Variants in CSPP1 observed in about 807,000 individuals in gnomAD.
CSPP1 encodes centrosome and spindle pole-associated protein 1.
A neutral mutation model predicts 164.4 loss-of-function variants in CSPP1; 126 were observed. The observed-to-expected ratio is 0.77, with a 90% CI of 0.66 to 0.89. CSPP1 has a LOEUF of 0.89. CSPP1 is among the 40% of genes least tolerant of loss of function. The pLI, the probability that CSPP1 is intolerant of heterozygous loss-of-function variation, is 0.00. For synonymous variants in CSPP1, 472 were observed against 476.7 expected (o/e 0.99, Z 0.13); for missense variants, 1,395 against 1,449.8 (o/e 0.96, Z 0.61).
At position 67,105,911 on chromosome 8, in the gene CSPP1, A is replaced by T. The variant is rs542305146; in HGVS notation, c.1029A>T (p.Pro343=). 17 of 1,560,690 alleles carry T rather than the reference A, an allele frequency of 1.1e-5. No individual in the cohort carries two copies. The highest frequency in any genetic ancestry group is 1.7e-5 in the Admixed American group (1 of 59,876). The change falls in exon 9 of 31, where the codon CCA becomes CCT. Residue 343 remains proline, a synonymous_variant. Coordinates refer to ENST00000678616, the MANE Select transcript of CSPP1 (RefSeq NM_001382391.1). ...RISSAENKSA[P]DNETSKSANQ... The stretch of plus-strand genomic sequence containing the variant: ...TCTGTCTTTTTTTCTTTAGTGCTCC[A>T]GACAATGAAACATCCAAATCTGCTA...
At chr8:67,117,017 A>G (rs943965112) in intron 13 of CSPP1, among the ~76,000 whole-genome samples, 1 of 152,184 alleles carries the variant, frequency 6.6e-6, no homozygotes, top group Admixed American at 6.5e-5. Flanking sequence ...TGGTCTCAGC[A>G]TTGAATTAGG....
intron 26 of CSPP1, 41 bp downstream of exon 26, chr8:67,175,477 C>A: frequency 6.2e-7 from 1 of 1,610,460 alleles, no homozygotes; most frequent in Non-Finnish European, 8.5e-7. Context: ...TATCAGCACG[C>A]TGTTTTTCCG....
At chr8:67,159,361 T>C (rs546114555) in intron 21 of CSPP1, among the ~76,000 whole-genome samples, 3 of 152,194 alleles carry the variant, frequency 2.0e-5, no homozygotes, top group South Asian at 4.2e-4. Flanking sequence ...TTTACTTACT[T>C]GAGCCATTCT....
At chr8:67,108,130 C>T (rs1354506086) in intron 9 of CSPP1, among the ~76,000 whole-genome samples, 1 of 151,794 alleles carries the variant, frequency 6.6e-6, no homozygotes, top group South Asian at 2.1e-4. Context: ...GTGGCTCACA[C>T]CTGTAATCCC....
intron 26 of CSPP1, among the ~76,000 whole-genome samples, chr8:67,177,171 CTTGT>C (rs1181284678): frequency 6.6e-6 from 1 of 151,584 alleles, no homozygotes; most frequent in Non-Finnish European, 1.5e-5. Flanking sequence ...TCATTCGCAG[CTTGT>C]TTATTTTCAA....
intron 1 of CSPP1, chr8:67,065,564 T>A: frequency 2.1e-6 from 2 of 957,612 alleles, no homozygotes; most frequent in Non-Finnish European, 2.5e-6. Flanking sequence ...ATATCATTCT[T>A]CTCCCTAGGA....
intron 1 of CSPP1, chr8:67,068,954 C>CT (rs1806148982): frequency 6.6e-6 from 1 of 152,176 alleles, no homozygotes; most frequent in Non-Finnish European, 1.5e-5. Context: ...TAGCCTCCCC[C>CT]TATATTTTAG....
At chr8:67,190,209 GACGTATC>G (rs1339067884) in intron 28 of CSPP1, among the ~76,000 whole-genome samples, 1 of 152,190 alleles carries the variant, frequency 6.6e-6, no homozygotes, top group Non-Finnish European at 1.5e-5. Context: ...GACAAAATAT[GACGTATC>G]CATATGATGG....
rs988178967 is a variant in CSPP1, at chr8:67,160,692, G to GAT, written c.2539-1106_2539-1105dup. 1.4e-3 allele frequency among the ~76,000 whole-genome samples: 208 copies of GAT among 150,610 alleles called. 2 individuals are homozygous for GAT. Among genetic ancestry groups the GAT allele is most frequent in the African/African-American group, 4.7e-3 (194 of 41,114 alleles). On this transcript the variant is annotated intron_variant, in intron 21 of 30. Transcript: ENST00000678616. ...CATTTTCTTTCATTTATGTATGTCT[G>GAT]ATATATATATATATTTTTGTCTATT...
intron 15 of CSPP1, among the ~76,000 whole-genome samples, chr8:67,126,443 C>T (rs555305420): frequency 6.6e-6 from 1 of 152,252 alleles, no homozygotes; most frequent in Admixed American, 6.5e-5. Context: ...TCATATGTGG[C>T]CACTGAAGTC....
chr8:67,154,056 C>G lies in CSPP1; in HGVS notation c.2161C>G (p.Arg721Gly), dbSNP rs778822396. The change falls in exon 19 of 31, where the codon CGG becomes GGG. Residue 721 changes from arginine to glycine, a missense_variant. Physicochemically the swap from Arg to Gly is moderately radical, Grantham distance 125 (BLOSUM62 -2). Transcript: ENST00000678616. ...GCAAACACAGAGCTCTCCTTTTGCT[C>G]GGGGAAATGTATTTGGTGAGCCTCC... ...HMQTQSSPFA[R>G]GNVFGEPPTE... 3 of 1,604,208 alleles carry G rather than the reference C, an allele frequency of 1.9e-6. No individual in the cohort carries two copies. Among genetic ancestry groups the G allele is most frequent in the Non-Finnish European group, 2.6e-6 (3 of 1,172,380 alleles).
chr8:67,159,171 T>C (rs1395524393), intron 21 of CSPP1, 34 bp downstream of exon 21: 3 of 1,569,712 alleles, frequency 1.9e-6, no homozygotes, highest in Non-Finnish European at 2.6e-6. Flanking sequence ...ATCAAACCCA[T>C]AGTTTAACTC....
intron 24 of CSPP1, among the ~76,000 whole-genome samples, chr8:67,170,517 CA>C (rs1340323541): frequency 6.6e-6 from 1 of 152,064 alleles, no homozygotes; most frequent in Admixed American, 6.6e-5. Flanking sequence ...TAGACATCTG[CA>C]TTTTACAGAT....
intron 15 of CSPP1, among the ~76,000 whole-genome samples, chr8:67,121,002 C>T (rs1310311616): frequency 6.6e-6 from 1 of 151,886 alleles, no homozygotes; most frequent in Non-Finnish European, 1.5e-5. Context: ...TAAAGGCGTG[C>T]ACCACTATGC....
intron 15 of CSPP1, among the ~76,000 whole-genome samples, chr8:67,130,723 C>T (rs895342740): frequency 2.0e-5 from 3 of 152,126 alleles, no homozygotes; most frequent in Non-Finnish European, 4.4e-5. Flanking sequence ...CGCAGTGGCT[C>T]ATGCTTATAA....
At position 67,137,576 on chromosome 8, in the gene CSPP1, C is replaced by A; in HGVS notation, c.1948C>A (p.Leu650Ile). The A allele has an allele frequency of 1.3e-6, 2 of 1,568,478 alleles. No homozygotes were observed. The highest frequency in any genetic ancestry group is 1.4e-5 in the African/African-American group (1 of 72,642). Residue 650 changes from leucine (L) to isoleucine (I), a missense_variant, in exon 17 of 31, where the codon CTC (leucine) becomes ATC (isoleucine). Leu to Ile is a conservative substitution (Grantham distance 5). Coordinates refer to ENST00000678616, the MANE Select transcript of CSPP1 (RefSeq NM_001382391.1). The part of the protein sequence containing the change: ...PWGKGGGGAP[L>I]RDAKGNLITD... ...GGGAAAAGGTGGAGGTGGTGCTCCT[C>A]TCAGGGATGCAAAAGGAAATCTGAT... is the stretch of plus-strand genomic sequence containing the variant.
Position 67,118,834 on chromosome 8 carries a change from T to G in CSPP1, c.1697+13T>G, listed in dbSNP as rs372521926. ...CACAACCTGTTGTGTAAGTTATTAG[T>G]TAAAAGAATAATTTTTTCCCCACTT... On this transcript the variant is annotated intron_variant, in intron 15 of 30. Transcript: ENST00000678616. 1 of 1,577,538 alleles carries G rather than the reference T, an allele frequency of 6.3e-7. No individual in the cohort carries two copies. Among genetic ancestry groups the G allele is most frequent in the Non-Finnish European group, 8.7e-7 (1 of 1,147,506 alleles).
chr8:67,121,756 A>G (rs1032547546), intron 15 of CSPP1, among the ~76,000 whole-genome samples: 3 of 152,184 alleles, frequency 2.0e-5, no homozygotes, highest in African/African-American at 7.2e-5. Context: ...AATGTTTGAT[A>G]GAATTCACCA....
intron 21 of CSPP1, 73 bp from the exon 22 acceptor site, chr8:67,161,738 G>A: frequency 1.4e-6 from 1 of 721,546 alleles, no homozygotes; most frequent in South Asian, 1.8e-5. Context: ...AACTATAAGG[G>A]GTGTGTGTGT....
Sources: allele counts gnomAD v4.1 joint callset (sites outside exome capture counted in the v4.1 genomes callset), GRCh38; gene constraint gnomAD v4.1.1; transcripts MANE v1.5; gene names NCBI Gene and HGNC (gene_info 2026-07-23, HGNC 2026-07-21).